Variants in CLEC19A observed in about 807,000 individuals in gnomAD.
CLEC19A encodes the protein C-type lectin domain containing 19A.
CLEC19A carries 21 observed loss-of-function variants against 26.1 expected under a neutral mutation model. The observed-to-expected ratio is 0.80, with a 90% CI of 0.57 to 1.16. The LOEUF (loss-of-function observed/expected upper bound fraction) is 1.16, where lower values mean the gene tolerates loss of function less well. Ranked by LOEUF, CLEC19A falls within the 50% of genes most tolerant of loss-of-function variation. CLEC19A has a pLI of 0.00. For synonymous variants in CLEC19A, 89 were observed against 88.6 expected (o/e 1.00, Z -0.03); for missense variants, 224 against 227.6 (o/e 0.98, Z 0.10).
intron 1 of CLEC19A, among the ~76,000 whole-genome samples, chr16:19,295,529 G>A (rs1897689207): frequency 6.6e-6 from 1 of 152,060 alleles, no homozygotes; most frequent in African/African-American, 2.4e-5. Flanking sequence ...AAACTGGGAT[G>A]GTCCTGGTCA....
At chr16:19,293,246 A>C (rs1396059515) in intron 1 of CLEC19A, among the ~76,000 whole-genome samples, 1 of 152,210 alleles carries the variant, frequency 6.6e-6, no homozygotes, top group East Asian at 1.9e-4. Context: ...AGTTTATGTC[A>C]AATAAAACAT....
chr16:19,295,210 G>A (rs1346946027), intron 1 of CLEC19A, among the ~76,000 whole-genome samples: 5 of 152,052 alleles, frequency 3.3e-5, no homozygotes, highest in Admixed American at 3.3e-4. Context: ...TTTTGTTGTT[G>A]TTGTTGTTGT....
At chr16:19,303,858 T>G (rs957529791) in intron 2 of CLEC19A, 2 of 522,314 alleles carry the variant, frequency 3.8e-6, no homozygotes, top group Non-Finnish European at 6.9e-6. Context: ...GAGTCCTTCT[T>G]TGAACTGGCA....
chr16:19,305,730 G>A lies in CLEC19A; in HGVS notation c.348+1575G>A, dbSNP rs1189681276. ...AGCTAATGCATGTAAAGAGCTTAGCGTGGTGCTTAGCATATTATAGGAACT... is the reference window on the plus strand; with the variant it reads ...AGCTAATGCATGTAAAGAGCTTAGCATGGTGCTTAGCATATTATAGGAACT... On this transcript the variant is annotated intron_variant, in intron 3 of 4. Transcript: ENST00000636231. Among the ~76,000 whole-genome samples the A allele has an allele frequency of 2.6e-5, 4 of 152,314 alleles. No individual in the cohort carries two copies. In the South Asian group the frequency reaches 8.3e-4, roughly 32 times the overall value.
chr16:19,289,329 G>A (rs1897534058), intron 1 of CLEC19A, among the ~76,000 whole-genome samples: 2 of 152,202 alleles, frequency 1.3e-5, no homozygotes, highest in Admixed American at 6.5e-5. Flanking sequence ...CAGACTGAGA[G>A]CAACCTAAGG....
Position 19,307,542 on chromosome 16 carries a change from C to T in CLEC19A, c.349-3C>T. On this transcript the variant is annotated splice_region_variant and splice_polypyrimidine_tract_variant and intron_variant, in intron 3 of 4. Coordinates refer to ENST00000636231, the MANE Select transcript of CLEC19A (RefSeq NM_001256720.2). ...TTTGTCTCTTTGGGTGGAACCCTCC[C>T]AGGAAGGGCAGTTTGAATGGACTGA... 1 of 1,547,882 alleles carries T rather than the reference C, an allele frequency of 6.5e-7. No individual in the cohort carries two copies. Among genetic ancestry groups the T allele is most frequent in the South Asian group, 1.2e-5 (1 of 83,956 alleles).
At chr16:19,308,911 T>C (rs887691064) in intron 4 of CLEC19A, 93 bp from the exon 5 acceptor site, 1 of 966,934 alleles carries the variant, frequency 1.0e-6, no homozygotes, top group African/African-American at 1.6e-5. Context: ...ACAAGGCCTA[T>C]TGGAGATGGC....
At chr16:19,307,470 C>A (rs1453897023) in intron 3 of CLEC19A, 75 bp from the exon 4 acceptor site, 5 of 1,519,028 alleles carry the variant, frequency 3.3e-6, no homozygotes, top group Non-Finnish European at 4.4e-6. Context: ...GACGTCTGAG[C>A]TGGAGCTGCC....
intron 2 of CLEC19A, 109 bp downstream of exon 2, chr16:19,298,947 GA>G (rs1440873028): frequency 6.6e-6 from 8 of 1,214,738 alleles, no homozygotes; most frequent in Non-Finnish European, 8.9e-6. Context: ...GAAACTATTT[GA>G]AAAAAATGGA....
intron 4 of CLEC19A, among the ~76,000 whole-genome samples, chr16:19,308,052 A>G (rs953628047): frequency 6.6e-6 from 1 of 152,222 alleles, no homozygotes; most frequent in African/African-American, 2.4e-5. Flanking sequence ...TCCTGAAGCA[A>G]GCCACATGTG....
Position 19,301,735 on chromosome 16 carries a change from G to GTTTTTT in CLEC19A, c.255-2327_255-2326insTTTTTT, listed in dbSNP as rs750529291. 4.3e-3 allele frequency among the ~76,000 whole-genome samples: 151 copies of GTTTTTT among 35,078 alleles called. 6 individuals carry two copies. Among genetic ancestry groups the GTTTTTT allele is most frequent in the African/African-American group, 7.6e-3 (55 of 7,284 alleles). 23.0% of individuals were successfully genotyped at this position (35,078 alleles called of 152,430 possible). On this transcript the variant is annotated intron_variant, in intron 2 of 4. Transcript: ENST00000636231. ...CATGACACCATGCCCAGGTTTTTTT[G>GTTTTTT]GTTTTTTTTTTTTTTTTTTTTTTTT... is the stretch of plus-strand genomic sequence containing the variant.
intron 1 of CLEC19A, 109 bp from the exon 2 acceptor site, chr16:19,298,564 T>A: frequency 8.4e-7 from 1 of 1,191,096 alleles, no homozygotes; most frequent in Non-Finnish European, 1.2e-6. Context: ...AGACCCTGTC[T>A]CTTAAAAAAA....
chr16:19,289,648 A>G (rs1272320798), intron 1 of CLEC19A, among the ~76,000 whole-genome samples: 1 of 152,218 alleles, frequency 6.6e-6, no homozygotes, highest in African/African-American at 2.4e-5. Context: ...TCAAGGAGTC[A>G]CATACTAAAC....
intron 1 of CLEC19A, among the ~76,000 whole-genome samples, chr16:19,289,838 C>T (rs952279782): frequency 4.6e-5 from 7 of 152,264 alleles, no homozygotes; most frequent in East Asian, 1.9e-4. Flanking sequence ...TGGTAGAACC[C>T]GTAGGACAGC....
Position 19,304,118 on chromosome 16 carries a change from C to T in CLEC19A, c.311C>T (p.Pro104Leu). 6.4e-7 allele frequency: 1 copy of T among 1,550,596 alleles called. No individual in the cohort carries two copies. The highest frequency in any genetic ancestry group is 8.7e-7 in the Non-Finnish European group (1 of 1,146,980). Residue 104 changes from proline to leucine, a missense_variant, in exon 3 of 5, where the codon CCA becomes CTA. Physicochemically the swap from Pro to Leu is moderately conservative, Grantham distance 98 (BLOSUM62 -3). Coordinates refer to ENST00000636231, the MANE Select transcript of CLEC19A (RefSeq NM_001256720.2). ...DLVNSCVPGI[P>L]ADVWTGLHDH... is the part of the protein sequence containing the mutation. ...GTGAACAGCTGTGTTCCCGGCATCC[C>T]AGCTGACGTCTGGACAGGCCTTCAT...
In CLEC19A at chr16:19,309,293, T is replaced by A; in HGVS notation, c.*210T>A. On this transcript the variant is annotated 3_prime_UTR_variant, in exon 5 of 5. Transcript: ENST00000636231. ...CAAATTGGCTTAATTTTTTAAAGTGTTTTTTTTTTTAAATTGACCCAAGTA... is the reference window on the plus strand; with the variant it reads ...CAAATTGGCTTAATTTTTTAAAGTGATTTTTTTTTTAAATTGACCCAAGTA... 1 of 347,426 alleles carries A rather than the reference T, an allele frequency of 2.9e-6. No individual in the cohort carries two copies. The highest frequency in any genetic ancestry group is 5.3e-6 in the Non-Finnish European group (1 of 187,514). The allele number at this position is 347,426 out of a possible 1,614,324, so 21.5% of individuals were successfully genotyped here. A position where few individuals can be genotyped will look rare whatever the true frequency, so the allele number is the denominator to read the frequency against.
intron 2 of CLEC19A, among the ~76,000 whole-genome samples, chr16:19,301,732 TTTG>T (rs1236041018): frequency 3.0e-5 from 2 of 67,554 alleles, no homozygotes; most frequent in South Asian, 4.9e-4. Context: ...CCCAGGTTTT[TTTG>T]GTTTTTTTTT....
intron 1 of CLEC19A, among the ~76,000 whole-genome samples, chr16:19,287,833 G>C (rs925427251): frequency 6.6e-6 from 1 of 152,220 alleles, no homozygotes; most frequent in Admixed American, 6.5e-5. Context: ...CACATAGGAA[G>C]CATTTAAAAA....
At chr16:19,307,851 G>C (rs1169450558) in intron 4 of CLEC19A, among the ~76,000 whole-genome samples, 174 bp downstream of exon 4, 1 of 152,162 alleles carries the variant, frequency 6.6e-6, no homozygotes, top group African/African-American at 2.4e-5. Context: ...ATGGCCATTC[G>C]CCACAATGGA....
Sources: gnomAD v4.1 joint callset for allele counts (sites outside exome capture counted in the v4.1 genomes callset) on GRCh38, gnomAD v4.1.1 for gene constraint, MANE v1.5 for transcripts, NCBI Gene and HGNC (gene_info 2026-07-23, HGNC 2026-07-21) for gene names.